Variants in HS6ST3 observed in about 807,000 individuals in gnomAD.
The protein encoded by HS6ST3 is heparan sulfate 6-O-sulfotransferase 3.
Under a neutral mutation model 36.7 loss-of-function variants are expected in HS6ST3, and 12 were observed. The observed-to-expected ratio is 0.33, with a 90% CI of 0.21 to 0.53. The LOEUF is 0.53. HS6ST3 is among the 20% of genes least tolerant of loss of function. The pLI, the probability that HS6ST3 is intolerant of heterozygous loss-of-function variation, is 0.95. For synonymous variants in HS6ST3, 240 were observed against 257.5 expected, an observed-to-expected ratio of 0.93 and a Z score of 0.65; for missense variants, 584 against 640.9, an observed-to-expected ratio of 0.91 and a Z score of 0.96.
At chr13:96,098,863 C>A (rs1227862047) in intron 1 of HS6ST3, among the ~76,000 whole-genome samples, 3 of 152,154 alleles carry the variant, frequency 2.0e-5, no homozygotes, top group Admixed American at 6.5e-5. Context: ...AGGACAAAGG[C>A]TGACACATAG....
At chr13:96,299,073 G>C (rs1566315802) in intron 1 of HS6ST3, among the ~76,000 whole-genome samples, 1 of 152,140 alleles carries the variant, frequency 6.6e-6, no homozygotes, top group South Asian at 2.1e-4. Flanking sequence ...CAAATGTACT[G>C]TTTCTTTGGG....
At chr13:96,787,156 T>C (rs1198984809) in intron 1 of HS6ST3, among the ~76,000 whole-genome samples, 1 of 152,208 alleles carries the variant, frequency 6.6e-6, no homozygotes, top group East Asian at 1.9e-4. Flanking sequence ...TTCCAGTTTT[T>C]AACAATTATG....
chr13:96,763,298 A>C (rs746552098), intron 1 of HS6ST3, among the ~76,000 whole-genome samples: 20 of 149,392 alleles, frequency 1.3e-4, no homozygotes, highest in Admixed American at 2.0e-4. Context: ...TATAAATAAT[A>C]AATGTATTAG....
At chr13:96,409,508 T>C (rs2055496637) in intron 1 of HS6ST3, among the ~76,000 whole-genome samples, 1 of 152,194 alleles carries the variant, frequency 6.6e-6, no homozygotes, top group Non-Finnish European at 1.5e-5. Flanking sequence ...ATGAAGCCTA[T>C]GTTGGAAGTA....
chr13:96,776,877 A>T (rs1877399352), intron 1 of HS6ST3, among the ~76,000 whole-genome samples: 1 of 152,188 alleles, frequency 6.6e-6, no homozygotes, highest in South Asian at 2.1e-4. Flanking sequence ...AACCTGGCAG[A>T]GTCACAACAA....
intron 1 of HS6ST3, among the ~76,000 whole-genome samples, chr13:96,171,772 G>A (rs1283814070): frequency 6.6e-6 from 1 of 152,070 alleles, no homozygotes; most frequent in Non-Finnish European, 1.5e-5. Flanking sequence ...AGCTGTTTGA[G>A]AAATTAATAG....
intron 1 of HS6ST3, among the ~76,000 whole-genome samples, chr13:96,602,650 A>T (rs1376577619): frequency 6.6e-6 from 1 of 152,168 alleles, no homozygotes; most frequent in African/African-American, 2.4e-5. Flanking sequence ...TTGTCCCAGC[A>T]GTAGTGTGGC....
intron 1 of HS6ST3, among the ~76,000 whole-genome samples, chr13:96,117,754 C>T (rs1292767515): frequency 6.6e-6 from 1 of 152,076 alleles, no homozygotes; most frequent in Non-Finnish European, 1.5e-5. Flanking sequence ...CTGCATGAAT[C>T]TAGAAAATGG....
intron 1 of HS6ST3, among the ~76,000 whole-genome samples, chr13:96,554,800 G>A (rs1350378986): frequency 6.6e-6 from 1 of 151,990 alleles, no homozygotes; most frequent in East Asian, 1.9e-4. Flanking sequence ...CAGGCGCAGT[G>A]GCTCATGCTT....
chr13:96,648,349 C>G (rs1177410575), intron 1 of HS6ST3, among the ~76,000 whole-genome samples: 1 of 151,940 alleles, frequency 6.6e-6, no homozygotes, highest in Non-Finnish European at 1.5e-5. Flanking sequence ...GTTATTCTAC[C>G]CAATCTCTTG....
chr13:96,811,067 A>G (rs1878307582), intron 1 of HS6ST3, among the ~76,000 whole-genome samples: 1 of 152,106 alleles, frequency 6.6e-6, no homozygotes, highest in Non-Finnish European at 1.5e-5. Context: ...AATGTTCTGC[A>G]TGAAGCAGCA....
chr13:96,452,215 T>C (rs889042691), intron 1 of HS6ST3, among the ~76,000 whole-genome samples: 5 of 152,192 alleles, frequency 3.3e-5, no homozygotes, highest in Non-Finnish European at 7.4e-5. Flanking sequence ...AGCACATCTA[T>C]ATGGTAAACC....
chr13:96,625,007 A>G (rs1270007769), intron 1 of HS6ST3, among the ~76,000 whole-genome samples: 1 of 152,182 alleles, frequency 6.6e-6, no homozygotes, highest in African/African-American at 2.4e-5. Flanking sequence ...AAGCAGCTTT[A>G]CTGAAGCGAC....
At chr13:96,431,901 T>G (rs1030576219) in intron 1 of HS6ST3, among the ~76,000 whole-genome samples, 3 of 152,216 alleles carry the variant, frequency 2.0e-5, no homozygotes, top group Non-Finnish European at 4.4e-5. Context: ...CTCAGTGGTC[T>G]ATACCTGTGT....
intron 1 of HS6ST3, among the ~76,000 whole-genome samples, chr13:96,445,664 C>A (rs186614895): frequency 6.0e-5 from 9 of 150,404 alleles, no homozygotes; most frequent in Non-Finnish European, 1.2e-4. Flanking sequence ...GCCAGGAGTT[C>A]GAGACCAGCT....
intron 1 of HS6ST3, among the ~76,000 whole-genome samples, chr13:96,637,082 G>C (rs1367782570): frequency 6.6e-6 from 1 of 152,012 alleles, no homozygotes; most frequent in Non-Finnish European, 1.5e-5. Flanking sequence ...AAAAACTTAG[G>C]GAAGTTATTA....
At chr13:96,475,976 C>CAGG (rs1446290874) in intron 1 of HS6ST3, among the ~76,000 whole-genome samples, 1 of 152,194 alleles carries the variant, frequency 6.6e-6, no homozygotes, top group Admixed American at 6.5e-5. Flanking sequence ...CCTCAGCCCT[C>CAGG]ATATTCAGAC....
chr13:96,429,887 G>A (rs1425946532), intron 1 of HS6ST3, among the ~76,000 whole-genome samples: 3 of 152,182 alleles, frequency 2.0e-5, no homozygotes, highest in Admixed American at 6.5e-5. Context: ...ATTCAGCTAT[G>A]GTTAGCCACT....
intron 1 of HS6ST3, among the ~76,000 whole-genome samples, chr13:96,525,883 C>T (rs1403283823): frequency 1.3e-5 from 2 of 152,174 alleles, no homozygotes; most frequent in African/African-American, 4.8e-5. Context: ...ACCTCAAGAA[C>T]TTTGTACTTT....
Sources: allele counts gnomAD v4.1 joint callset (sites outside exome capture counted in the v4.1 genomes callset), GRCh38; gene constraint gnomAD v4.1.1; transcripts MANE v1.5; gene names NCBI Gene and HGNC (gene_info 2026-07-23, HGNC 2026-07-21).